The following UGT2B4 variants were observed in gnomAD, a reference collection of about 807,000 sequenced individuals.
UGT2B4 encodes UDP glucuronosyltransferase family 2 member B4, also known as UDP-glucuronosyltransferase 2B4.
UGT2B4 carries 49 observed loss-of-function variants against 49.8 expected under a neutral mutation model. The observed-to-expected ratio is 0.98, with a 90% CI of 0.78 to 1.25. The LOEUF is 1.25. Among genes scored for constraint, UGT2B4 ranks in the 50% most tolerant of loss-of-function variants. The pLI is 0.00. For missense variants in UGT2B4, 729 were observed against 627.7 expected (o/e 1.16, Z -1.73); for synonymous variants, 246 against 217.7 (o/e 1.13, Z -1.14).
At chr4:69,502,071 T>C (rs113793191) in intron 1 of UGT2B4, among the ~76,000 whole-genome samples, 62 of 112,784 alleles carry the variant, frequency 5.5e-4, no homozygotes, top group South Asian at 1.4e-3. Flanking sequence ...TCCTTCCTTC[T>C]TTTCTTTCTT....
rs1405754751 is a variant in UGT2B4 at position 69,495,177 on chromosome 4, T to C, written c.685A>G (p.Met229Val). ...CTGTAGAACTGATCCCACTTCTTCA[T>C]GTCAAATATTTGGAACCAAAATTCA... ...YFEFWFQIFD[M>V]KKWDQFYSEV... is the part of the protein sequence containing the mutation. Residue 229 changes from methionine (M) to valine (V), a missense_variant, in exon 1 of 6, where the codon ATG becomes GTG. Met to Val is a conservative substitution (Grantham distance 21, BLOSUM62 1). Coordinates refer to ENST00000305107, the MANE Select transcript of UGT2B4 (RefSeq NM_021139.3). The C allele has an allele frequency of 2.5e-6, 4 of 1,578,948 alleles. No homozygotes were observed. Among genetic ancestry groups the C allele is most frequent in the Non-Finnish European group, 3.4e-6 (4 of 1,166,922 alleles).
intron 1 of UGT2B4, among the ~76,000 whole-genome samples, chr4:69,520,538 T>C (rs1728824821): frequency 6.6e-6 from 1 of 152,242 alleles, no homozygotes; most frequent in Non-Finnish European, 1.5e-5. Context: ...AGCTCAGAAG[T>C]GCCAGCTCCC....
intron 4 of UGT2B4, among the ~76,000 whole-genome samples, chr4:69,485,655 A>G (rs1222299348): frequency 2.0e-5 from 3 of 151,674 alleles, no homozygotes; most frequent in Non-Finnish European, 4.4e-5. Context: ...TACCAGTTGA[A>G]CTAACAAAAA....
At chr4:69,521,155 C>T (rs1728841703) in intron 1 of UGT2B4, among the ~76,000 whole-genome samples, 1 of 152,274 alleles carries the variant, frequency 6.6e-6, no homozygotes, top group South Asian at 2.1e-4. Context: ...CTTTGCTCAC[C>T]CACCATTTGA....
At chr4:69,518,478 C>A (rs921358340) in intron 1 of UGT2B4, 1 of 152,014 alleles carries the variant, frequency 6.6e-6, no homozygotes, top group African/African-American at 2.4e-5. Flanking sequence ...TTTAGGCAAA[C>A]CAGTTAAAAG....
At chr4:69,516,237 C>G (rs1206637184) in intron 1 of UGT2B4, among the ~76,000 whole-genome samples, 2 of 152,180 alleles carry the variant, frequency 1.3e-5, no homozygotes, top group African/African-American at 4.8e-5. Flanking sequence ...CTTTAGGCAG[C>G]CTATCATTGA....
At chr4:69,502,552 C>A (rs953961436) in intron 1 of UGT2B4, among the ~76,000 whole-genome samples, 1 of 152,136 alleles carries the variant, frequency 6.6e-6, no homozygotes, top group Non-Finnish European at 1.5e-5. Context: ...GGGCCCCCAG[C>A]ATACTGCAGC....
chr4:69,503,954 G>A (rs893051555), intron 1 of UGT2B4, among the ~76,000 whole-genome samples: 1 of 152,202 alleles, frequency 6.6e-6, no homozygotes, highest in African/African-American at 2.4e-5. Context: ...ACGTGGTCCA[G>A]GAGTTGGGAA....
chr4:69,524,616 G>A (rs1310090207), intron 1 of UGT2B4, among the ~76,000 whole-genome samples: 1 of 151,716 alleles, frequency 6.6e-6, no homozygotes, highest in Non-Finnish European at 1.5e-5. Flanking sequence ...GTGTCACAAA[G>A]ATATAAATTG....
At chr4:69,489,279 A>G (rs1210529167) in intron 3 of UGT2B4, among the ~76,000 whole-genome samples, 160 bp downstream of exon 3, 1 of 152,158 alleles carries the variant, frequency 6.6e-6, no homozygotes, top group Non-Finnish European at 1.5e-5. Flanking sequence ...TGAGTTTATC[A>G]TCTTCCATAC....
upstream of UGT2B4, among the ~76,000 whole-genome samples, chr4:69,498,955 T>C (rs1423580410): frequency 1.3e-5 from 2 of 152,158 alleles, no homozygotes; most frequent in African/African-American, 2.4e-5. Context: ...AGTTGCGATA[T>C]ATGTGTCAAT....
chr4:69,502,847 G>T (rs7673043), intron 1 of UGT2B4, among the ~76,000 whole-genome samples: 31,146 of 152,088 alleles, frequency 0.2, 3,363 homozygotes, highest in Middle Eastern at 0.27. Context: ...AGGAAGAGGA[G>T]GCCTGACCAT....
At chr4:69,505,389 C>A (rs182870009) in intron 1 of UGT2B4, among the ~76,000 whole-genome samples, 1 of 152,084 alleles carries the variant, frequency 6.6e-6, no homozygotes, top group African/African-American at 2.4e-5. Context: ...ATCTACCAAA[C>A]AGATAAAAAA....
At chr4:69,515,723 C>T (rs776607429) in intron 1 of UGT2B4, among the ~76,000 whole-genome samples, 4 of 151,902 alleles carry the variant, frequency 2.6e-5, no homozygotes, top group Admixed American at 6.6e-5. Flanking sequence ...TCCAGGAGCT[C>T]ATTTTTTGAA....
At chr4:69,500,606 G>GCAAGAAAGAAAGAAAGAAAGAAAGA (rs1553896493), upstream of UGT2B4, among the ~76,000 whole-genome samples, 1 of 99,510 alleles carries the variant, frequency 1.0e-5, no homozygotes, top group Non-Finnish European at 2.0e-5. Context: ...AGAAAGCAAG[G>GCAAGAAAGAAAGAAAGAAAGAAAGA]AAGAAAGAAA....
chr4:69,502,829 G>A (rs1002604891), intron 1 of UGT2B4, among the ~76,000 whole-genome samples: 2 of 152,154 alleles, frequency 1.3e-5, no homozygotes, highest in Admixed American at 6.5e-5. Flanking sequence ...ACAAGCTCCA[G>A]TTGGTTCAGG....
At chr4:69,486,558 C>A in intron 4 of UGT2B4, 51 bp downstream of exon 4, 1 of 1,278,378 alleles carries the variant, frequency 7.8e-7, no homozygotes, top group Non-Finnish European at 1.1e-6. Context: ...ACTATTAACA[C>A]TTTAATAATC....
chr4:69,486,767 G>C, intron 3 of UGT2B4, 71 bp from the exon 4 acceptor site: 1 of 1,196,604 alleles, frequency 8.4e-7, no homozygotes, highest in Non-Finnish European at 1.2e-6. Flanking sequence ...GAAATCTAAA[G>C]AGATTAACAA....
At chr4:69,483,292 T>C (rs925936019) in intron 5 of UGT2B4, among the ~76,000 whole-genome samples, 1 of 152,142 alleles carries the variant, frequency 6.6e-6, no homozygotes, top group Admixed American at 6.5e-5. Flanking sequence ...ACCCTCCCCA[T>C]GTAACTTCAA....
Sources: gnomAD v4.1 joint callset for allele counts (sites outside exome capture counted in the v4.1 genomes callset) on GRCh38, gnomAD v4.1.1 for gene constraint, MANE v1.5 for transcripts, NCBI Gene and HGNC (gene_info 2026-07-23, HGNC 2026-07-21) for gene names.